The following MYO9A variants were observed in gnomAD, a reference collection of about 807,000 sequenced individuals.
MYO9A encodes the protein myosin IXA, also known as unconventional myosin-IXa.
MYO9A carries 103 observed loss-of-function variants against 293.3 expected under a neutral mutation model. That is an observed-to-expected ratio of 0.35 (90% CI 0.30 to 0.41). The LOEUF (loss-of-function observed/expected upper bound fraction) is 0.41. MYO9A is among the 10% of genes least tolerant of loss of function. The pLI is 1.00. For synonymous variants in MYO9A, 1,001 were observed against 1,035.7 expected, an observed-to-expected ratio of 0.97 and a Z score of 0.64; for missense variants, 2,685 against 3,033.0, an observed-to-expected ratio of 0.89 and a Z score of 2.69.
At chr15:72,025,936 G>T (rs1485907284) in intron 4 of MYO9A, among the ~76,000 whole-genome samples, 1 of 152,016 alleles carries the variant, frequency 6.6e-6, no homozygotes, top group East Asian at 1.9e-4. Flanking sequence ...ATAATTTAAG[G>T]AGATTGAAAT....
intron 25 of MYO9A, 123 bp downstream of exon 25, chr15:71,897,338 T>G: frequency 9.5e-7 from 1 of 1,058,010 alleles, no homozygotes; most frequent in Non-Finnish European, 1.4e-6. Context: ...GGAATATTTT[T>G]ACAAAGAGAA....
intron 3 of MYO9A, among the ~76,000 whole-genome samples, chr15:72,028,720 A>AC (rs5813674): frequency 0.99 from 150,279 of 152,190 alleles, 74,236 homozygotes; most frequent in Middle Eastern, 1. Flanking sequence ...TTTCTAGGCT[A>AC]TATACCACTA....
chr15:72,092,232 A>G (rs2079937111), intron 1 of MYO9A, among the ~76,000 whole-genome samples: 1 of 152,186 alleles, frequency 6.6e-6, no homozygotes, highest in African/African-American at 2.4e-5. Context: ...AGACACCCCT[A>G]TACCATATGG....
At chr15:71,842,267 C>T (rs781175638) in intron 39 of MYO9A, among the ~76,000 whole-genome samples, 1 of 150,458 alleles carries the variant, frequency 6.6e-6, no homozygotes, top group Non-Finnish European at 1.5e-5. Context: ...GTCCCAGCTA[C>T]TCGGGAGGCT....
intron 23 of MYO9A, among the ~76,000 whole-genome samples, chr15:71,900,535 A>C (rs1218606722): frequency 6.6e-6 from 1 of 152,228 alleles, no homozygotes; most frequent in Non-Finnish European, 1.5e-5. Context: ...ATGTTTGGCT[A>C]AAACAGCTAT....
intron 18 of MYO9A, among the ~76,000 whole-genome samples, chr15:71,923,697 CATA>C (rs1161891624): frequency 6.6e-6 from 1 of 152,124 alleles, no homozygotes; most frequent in African/African-American, 2.4e-5. Context: ...TAATATCAGC[CATA>C]ATGTCACCTT....
At chr15:72,074,389 A>G (rs1315967970) in intron 1 of MYO9A, among the ~76,000 whole-genome samples, 3 of 152,196 alleles carry the variant, frequency 2.0e-5, no homozygotes, top group African/African-American at 7.2e-5. Context: ...TTTAAAACTC[A>G]TCGGAGAGCT....
rs529155255 is a variant in MYO9A at position 72,008,861 on chromosome 15, T to C, written c.1254-909A>G. Among the ~76,000 whole-genome samples the C allele has an allele frequency of 2.6e-5, 4 of 152,304 alleles. No individual in the cohort carries two copies. In the East Asian group the frequency reaches 7.7e-4, roughly 29 times the overall value. On this transcript the variant is annotated intron_variant, in intron 7 of 41. Coordinates refer to ENST00000356056, the MANE Select transcript of MYO9A (RefSeq NM_006901.4). ...TTATTTTCTTAGAATAAATACGGCT[T>C]ACAAAATTTGGCTTATGAAAATTTA...
In MYO9A at chr15:71,851,308, G is replaced by C; in HGVS notation, c.6526C>G (p.Gln2176Glu). The change falls in exon 37 of 42, where the codon CAA becomes GAA. Residue 2176 changes from glutamine to glutamate, a missense_variant. By Grantham distance (29) the Gln-to-Glu change is conservative (BLOSUM62 2). Coordinates refer to ENST00000356056, the MANE Select transcript of MYO9A (RefSeq NM_006901.4). ...TIRGVYSVID[Q>E]LSRTHLNTLE... ...GTATTGAGATGAGTTCGGGAGAGTTGATCAATCACAGAGTATACACCACGG... is the reference window on the plus strand; with the variant it reads ...GTATTGAGATGAGTTCGGGAGAGTTCATCAATCACAGAGTATACACCACGG... 6.2e-7 allele frequency: 1 copy of C among 1,613,944 alleles called. No individual in the cohort carries two copies. The highest frequency in any genetic ancestry group is 1.1e-5 in the South Asian group (1 of 91,026).
chr15:72,026,286 AAAAAAAAAAAG>A (rs1286880513), intron 4 of MYO9A, among the ~76,000 whole-genome samples: 13 of 144,638 alleles, frequency 9.0e-5, no homozygotes, highest in Admixed American at 4.2e-4. Flanking sequence ...AAAAAAAAAA[AAAAAAAAAAAG>A]AAAGAAAAGA....
rs1257806888 is a variant in MYO9A, at chr15:71,822,386, A to G, written c.*4194T>C. 6.6e-6 allele frequency: 1 copy of G among 152,186 alleles called. No individual in the cohort carries two copies. Among genetic ancestry groups the G allele is most frequent in the Non-Finnish European group, 1.5e-5 (1 of 68,046 alleles). The allele number at this position is 152,186 out of a possible 1,614,324, so 9.4% of individuals were successfully genotyped here. The stretch of plus-strand genomic sequence containing the variant: ...TACAGTGCATATTTTGAGTGACACA[A>G]ACTGCACTTTATACAGATGGTATCT... On this transcript the variant is annotated 3_prime_UTR_variant, in exon 42 of 42. Transcript: ENST00000356056.
chr15:71,845,060 C>T (rs144866863), intron 39 of MYO9A, among the ~76,000 whole-genome samples: 4 of 152,270 alleles, frequency 2.6e-5, no homozygotes, highest in East Asian at 3.9e-4. Flanking sequence ...CAGGGCAAGA[C>T]GGAAGATCAC....
At chr15:71,986,922 T>C (rs2076421547) in intron 11 of MYO9A, among the ~76,000 whole-genome samples, 1 of 152,198 alleles carries the variant, frequency 6.6e-6, no homozygotes, top group African/African-American at 2.4e-5. Flanking sequence ...TTATCACCAC[T>C]CACCCAACAT....
At chr15:72,034,918 A>G (rs893457688) in intron 2 of MYO9A, among the ~76,000 whole-genome samples, 9 of 152,220 alleles carry the variant, frequency 5.9e-5, no homozygotes, top group African/African-American at 2.2e-4. Flanking sequence ...TTATCACTAC[A>G]TAAAGTCATT....
chr15:72,070,336 CCCAGCT>C (rs2079152250), intron 1 of MYO9A, among the ~76,000 whole-genome samples: 1 of 151,582 alleles, frequency 6.6e-6, no homozygotes, highest in Non-Finnish European at 1.5e-5. Context: ...CGCCTGCAGT[CCCAGCT>C]ACTCGGGAGG....
intron 34 of MYO9A, among the ~76,000 whole-genome samples, chr15:71,856,414 T>A (rs1269095560): frequency 6.6e-6 from 1 of 151,768 alleles, no homozygotes; most frequent in African/African-American, 2.4e-5. Context: ...GACAACTAGA[T>A]CAGGAAAGAC....
chr15:72,055,705 G>GA (rs2078698875), intron 1 of MYO9A, among the ~76,000 whole-genome samples: 1 of 151,902 alleles, frequency 6.6e-6, no homozygotes, highest in Admixed American at 6.6e-5. Context: ...CAACAAACAT[G>GA]AAAAAATGCT....
chr15:72,104,555 T>C (rs1321237003), intron 1 of MYO9A, among the ~76,000 whole-genome samples: 1 of 152,218 alleles, frequency 6.6e-6, no homozygotes, highest in African/African-American at 2.4e-5. Context: ...AAGTTGGTCA[T>C]GGTAGATGCT....
At chr15:71,908,926 T>G (rs1596165602) in intron 19 of MYO9A, among the ~76,000 whole-genome samples, 1 of 152,172 alleles carries the variant, frequency 6.6e-6, no homozygotes, top group South Asian at 2.1e-4. Context: ...CTCCCCCAAC[T>G]AGATCCTGGC....
Sources: gnomAD v4.1 joint callset for allele counts (sites outside exome capture counted in the v4.1 genomes callset) on GRCh38, gnomAD v4.1.1 for gene constraint, MANE v1.5 for transcripts, NCBI Gene and HGNC (gene_info 2026-07-23, HGNC 2026-07-21) for gene names.